RHEX: variants seen among roughly 807,000 people sequenced by gnomAD.
RHEX encodes the protein regulator of hemoglobinization and erythroid cell expansion protein.
In RHEX, 18 loss-of-function variants were observed where a neutral mutation model predicts 20.1. That is an observed-to-expected ratio of 0.90 (90% CI 0.62 to 1.33). RHEX has a LOEUF of 1.33. Among genes scored for constraint, RHEX ranks in the 40% most tolerant of loss-of-function variants. The probability of loss-of-function intolerance (pLI) is 0.00; values close to 1 mark genes in which losing one functional copy is unlikely to be tolerated. For synonymous variants in RHEX, 87 were observed against 77.1 expected, an observed-to-expected ratio of 1.13 and a Z score of -0.67; for missense variants, 192 against 214.3, an observed-to-expected ratio of 0.90 and a Z score of 0.65.
chr1:206,058,583 G>T lies in RHEX; in HGVS notation c.-97+5318G>T, dbSNP rs566853273. Among the ~76,000 whole-genome samples the T allele has an allele frequency of 2.6e-5, 4 of 152,376 alleles. No homozygotes were observed. In the South Asian group the frequency reaches 8.3e-4, roughly 32 times the overall value. ...GGGCCTGCCTGGCCTAAACCCAGTAGTTAAAAATCAACTCATAACTTAGAA... is the reference window on the plus strand; with the variant it reads ...GGGCCTGCCTGGCCTAAACCCAGTATTTAAAAATCAACTCATAACTTAGAA... On this transcript the variant is annotated intron_variant, in intron 1 of 5. Transcript: ENST00000331555.
intron 3 of RHEX, chr1:206,098,564 T>G (rs1663125175): frequency 5.4e-6 from 1 of 185,326 alleles, no homozygotes. Flanking sequence ...GAAGGAAATA[T>G]GGTTGGACTT....
intron 1 of RHEX, among the ~76,000 whole-genome samples, chr1:206,090,906 T>C (rs1370320169): frequency 6.6e-6 from 1 of 152,254 alleles, no homozygotes; most frequent in Non-Finnish European, 1.5e-5. Context: ...AGGACTTTAC[T>C]GAGCAATCTC....
chr1:206,095,710 G>A (rs151065248), intron 1 of RHEX, among the ~76,000 whole-genome samples: 5,046 of 152,234 alleles, frequency 0.033, 274 homozygotes, highest in African/African-American at 0.11. Flanking sequence ...CAGCTACTTG[G>A]GAGGCTCAGG....
At chr1:206,064,682 G>T (rs537395497) in intron 1 of RHEX, among the ~76,000 whole-genome samples, 289 of 149,934 alleles carry the variant, frequency 1.9e-3, no homozygotes, top group African/African-American at 6.9e-3. Flanking sequence ...CCGGCCAGCC[G>T]CCCCATCCGG....
At chr1:206,061,955 G>A (rs573680825) in intron 1 of RHEX, 2 of 151,744 alleles carry the variant, frequency 1.3e-5, no homozygotes, top group South Asian at 2.1e-4. Context: ...GCTCACACCT[G>A]TATCCCAGCA....
intron 4 of RHEX, among the ~76,000 whole-genome samples, chr1:206,100,351 T>A (rs888969724): frequency 4.6e-5 from 7 of 152,228 alleles, no homozygotes; most frequent in African/African-American, 1.7e-4. Flanking sequence ...ACAGTGGAAG[T>A]GGCTGCTTTG....
chr1:206,096,783 T>TG (rs1663079811), intron 1 of RHEX, among the ~76,000 whole-genome samples: 7 of 149,676 alleles, frequency 4.7e-5, no homozygotes, highest in South Asian at 2.1e-4. Context: ...TTTTTTTGGT[T>TG]TTTTTTTTTG....
chr1:206,102,162 C>T lies in RHEX; in HGVS notation c.*210C>T. 1.7e-6 allele frequency: 1 copy of T among 576,538 alleles called. No homozygotes were observed. Among genetic ancestry groups the T allele is most frequent in the African/African-American group, 1.9e-5 (1 of 53,876 alleles). The allele number at this position is 576,538 out of a possible 1,614,324, so 35.7% of individuals were successfully genotyped here. ...CTGTACCCAAAAAAGCTGTTCGTTC[C>T]TCAAAAACAAAAACAAGGCTTGGCT... On this transcript the variant is annotated 3_prime_UTR_variant, in exon 6 of 6. Transcript: ENST00000331555.
intron 1 of RHEX, among the ~76,000 whole-genome samples, chr1:206,078,228 TAGTTA>T (rs1553285465): frequency 6.6e-6 from 1 of 152,036 alleles, no homozygotes; most frequent in Non-Finnish European, 1.5e-5. Flanking sequence ...GGGTAAGGGA[TAGTTA>T]ACCCACATTT....
intron 1 of RHEX, among the ~76,000 whole-genome samples, chr1:206,091,459 G>GA (rs1372725604): frequency 1.8e-4 from 27 of 152,082 alleles, no homozygotes; most frequent in Admixed American, 6.6e-5. Context: ...ATTATAGTAA[G>GA]AAAAAATCCT....
intron 1 of RHEX, among the ~76,000 whole-genome samples, chr1:206,077,147 G>A (rs782277629): frequency 5.3e-5 from 8 of 152,078 alleles, no homozygotes; most frequent in Non-Finnish European, 1.2e-4. Flanking sequence ...GGAAGACAAC[G>A]ACACAAAAAC....
intron 1 of RHEX, among the ~76,000 whole-genome samples, chr1:206,065,055 TGTTA>T (rs1571855405): frequency 6.6e-6 from 1 of 152,238 alleles, no homozygotes; most frequent in African/African-American, 2.4e-5. Context: ...AGATGTGCTT[TGTTA>T]AACAGATGCT....
chr1:206,062,263 A>G (rs1249641438), intron 1 of RHEX: 1 of 152,218 alleles, frequency 6.6e-6, no homozygotes, highest in Non-Finnish European at 1.5e-5. Context: ...ATGGAGGTGG[A>G]TGGCTAGACA....
At chr1:206,081,965 T>C (rs1553285953) in intron 1 of RHEX, among the ~76,000 whole-genome samples, 1 of 152,210 alleles carries the variant, frequency 6.6e-6, no homozygotes, top group African/African-American at 2.4e-5. Flanking sequence ...GCGAAGTGTG[T>C]ATTGACACTG....
chr1:206,091,164 A>G lies in RHEX; in HGVS notation c.-96-6569A>G, dbSNP rs1008531585. Among the ~76,000 whole-genome samples, 8 of 152,244 alleles carry G rather than the reference A, an allele frequency of 5.3e-5. 1 individual carries two copies. Among genetic ancestry groups the G allele is most frequent in the Admixed American group, 5.2e-4 (8 of 15,280 alleles). On this transcript the variant is annotated intron_variant, in intron 1 of 5. Transcript: ENST00000331555. ...TAGTTTTGTCCTCTGTTAATTAAAAAATAATAATAGTATCTACCTCCTGGG... is the reference window on the plus strand; with the variant it reads ...TAGTTTTGTCCTCTGTTAATTAAAAGATAATAATAGTATCTACCTCCTGGG...
chr1:206,068,519 A>G (rs1432993108), intron 1 of RHEX, among the ~76,000 whole-genome samples: 1 of 152,174 alleles, frequency 6.6e-6, no homozygotes, highest in Non-Finnish European at 1.5e-5. Context: ...ATAAGGGGGA[A>G]GTGGTAAGAG....
At chr1:206,062,648 C>A (rs1441402775) in intron 1 of RHEX, among the ~76,000 whole-genome samples, 1 of 152,074 alleles carries the variant, frequency 6.6e-6, no homozygotes, top group African/African-American at 2.4e-5. Context: ...AGGGGGGCTG[C>A]AGGTGCCTGG....
chr1:206,053,833 A>C (rs1259370781), intron 1 of RHEX, among the ~76,000 whole-genome samples: 1 of 152,246 alleles, frequency 6.6e-6, no homozygotes, highest in East Asian at 1.9e-4. Context: ...TTGCCCCGCC[A>C]ACGTAGTTAA....
At chr1:206,068,519 AGT>A (rs1388171700) in intron 1 of RHEX, among the ~76,000 whole-genome samples, 1 of 152,174 alleles carries the variant, frequency 6.6e-6, no homozygotes, top group Non-Finnish European at 1.5e-5. Context: ...ATAAGGGGGA[AGT>A]GGTAAGAGGT....
Sources: gnomAD v4.1 joint callset for allele counts (sites outside exome capture counted in the v4.1 genomes callset) on GRCh38, gnomAD v4.1.1 for gene constraint, MANE v1.5 for transcripts, NCBI Gene and HGNC (gene_info 2026-07-23, HGNC 2026-07-21) for gene names.